KBTBD12: variants seen among roughly 807,000 people sequenced by gnomAD.
KBTBD12 encodes kelch repeat and BTB domain-containing protein 12.
A neutral mutation model predicts 58.7 loss-of-function variants in KBTBD12; 53 were observed. The observed-to-expected ratio is 0.90, with a 90% CI of 0.72 to 1.14. The LOEUF (loss-of-function observed/expected upper bound fraction) is 1.14. Ranked by LOEUF, KBTBD12 falls within the 50% of genes most tolerant of loss-of-function variation. The probability of loss-of-function intolerance (pLI) is 0.00; values close to 1 mark genes in which losing one functional copy is unlikely to be tolerated. For synonymous variants in KBTBD12, 236 were observed against 259.8 expected (o/e 0.91, Z 0.88); for missense variants, 704 against 751.3 (o/e 0.94, Z 0.74).
intron 3 of KBTBD12, among the ~76,000 whole-genome samples, chr3:127,929,462 C>T (rs1282457928): frequency 1.3e-5 from 2 of 152,092 alleles, no homozygotes; most frequent in African/African-American, 4.8e-5. Context: ...AATATTATTT[C>T]ACCTAACATT....
At chr3:127,948,222 C>G (rs1050006835) in intron 4 of KBTBD12, among the ~76,000 whole-genome samples, 1 of 152,194 alleles carries the variant, frequency 6.6e-6, no homozygotes, top group Admixed American at 6.5e-5. Flanking sequence ...GCGTTCCTTC[C>G]TGACCTCAAG....
chr3:127,931,366 C>T (rs1478808249), intron 4 of KBTBD12, among the ~76,000 whole-genome samples: 3 of 151,978 alleles, frequency 2.0e-5, no homozygotes, highest in Non-Finnish European at 4.4e-5. Context: ...ATGAGATTCA[C>T]TTATAATTAA....
intron 5 of KBTBD12, among the ~76,000 whole-genome samples, chr3:127,982,868 C>T (rs1395981750): frequency 6.6e-6 from 1 of 152,228 alleles, no homozygotes. Context: ...CCTTCCTAAG[C>T]CCCGCTCACA....
chr3:127,962,955 C>T (rs752791669), intron 4 of KBTBD12, among the ~76,000 whole-genome samples: 2 of 152,234 alleles, frequency 1.3e-5, no homozygotes, highest in Non-Finnish European at 2.9e-5. Context: ...GACTCAGTCT[C>T]ATGCATGATC....
At chr3:127,939,104 CCT>C (rs975665533) in intron 4 of KBTBD12, among the ~76,000 whole-genome samples, 6 of 152,104 alleles carry the variant, frequency 3.9e-5, no homozygotes, top group Non-Finnish European at 8.8e-5. Context: ...GTAGATATCC[CCT>C]CACTTTTTTC....
chr3:127,975,573 T>G (rs1343238420), intron 5 of KBTBD12, among the ~76,000 whole-genome samples: 1 of 152,222 alleles, frequency 6.6e-6, no homozygotes, highest in Non-Finnish European at 1.5e-5. Flanking sequence ...TGCACCAGCT[T>G]CTTCTTACCA....
chr3:127,977,381 T>A (rs893355973), intron 5 of KBTBD12, among the ~76,000 whole-genome samples: 1 of 152,242 alleles, frequency 6.6e-6, no homozygotes, highest in African/African-American at 2.4e-5. Context: ...GAATGATAGT[T>A]CTGTTTTAAG....
intron 4 of KBTBD12, among the ~76,000 whole-genome samples, chr3:127,957,700 G>A (rs1253907802): frequency 6.6e-6 from 1 of 152,146 alleles, no homozygotes; most frequent in African/African-American, 2.4e-5. Flanking sequence ...TGAGTAAGGA[G>A]CTGACCCACC....
At chr3:127,963,631 CACA>C in intron 5 of KBTBD12, 1 of 390,702 alleles carries the variant, frequency 2.6e-6, no homozygotes, top group South Asian at 4.3e-5. Flanking sequence ...CCACCCTGAA[CACA>C]CCTGGTCTCA....
intron 4 of KBTBD12, among the ~76,000 whole-genome samples, chr3:127,947,380 C>T (rs900976660): frequency 3.3e-5 from 5 of 152,172 alleles, no homozygotes; most frequent in African/African-American, 7.2e-5. Context: ...CAGTCTTCCC[C>T]GCCACTCCTG....
chr3:127,949,437 G>A (rs1381415093), intron 4 of KBTBD12, among the ~76,000 whole-genome samples: 4 of 152,134 alleles, frequency 2.6e-5, no homozygotes, highest in Non-Finnish European at 4.4e-5. Flanking sequence ...GAGAGCCATT[G>A]AAGGATTTCA....
At chr3:127,977,403 A>G (rs993677796) in intron 5 of KBTBD12, among the ~76,000 whole-genome samples, 1 of 152,246 alleles carries the variant, frequency 6.6e-6, no homozygotes, top group East Asian at 1.9e-4. Flanking sequence ...TCTTTGAGAA[A>G]GTGCCAAACT....
intron 3 of KBTBD12, among the ~76,000 whole-genome samples, chr3:127,929,214 A>G (rs1201321580): frequency 6.6e-6 from 1 of 152,222 alleles, no homozygotes; most frequent in East Asian, 1.9e-4. Context: ...CTCATAGAGG[A>G]AAGGCTTTGC....
chr3:127,984,553 C>A lies in KBTBD12; in HGVS notation c.*275C>A, dbSNP rs1000655158. On this transcript the variant is annotated 3_prime_UTR_variant, in exon 6 of 6. Coordinates refer to ENST00000405109, the MANE Select transcript of KBTBD12 (RefSeq NM_207335.4). ...CAGGAGAGCAGCAGAGGGAGGGTCT[C>A]ACTCTGCTGGGGACCCATGAACAGC... 8 of 321,372 alleles carry A rather than the reference C, an allele frequency of 2.5e-5. No homozygotes were observed. The highest frequency in any genetic ancestry group is 6.2e-5 in the East Asian group (1 of 16,048). The allele number at this position is 321,372 out of a possible 1,614,324, so 19.9% of individuals were successfully genotyped here.
chr3:127,927,751 C>A lies in KBTBD12; in HGVS notation c.1071-13C>A. On this transcript the variant is annotated splice_polypyrimidine_tract_variant and intron_variant, in intron 2 of 5. Transcript: ENST00000405109. ...TTACCTCTAATCCTGGATACTCTCT[C>A]TCTCTTTTGCAGGTATCATGATAGA... 1.4e-6 allele frequency: 2 copies of A among 1,467,980 alleles called. No homozygotes were observed. Among genetic ancestry groups the A allele is most frequent in the African/African-American group, 1.4e-5 (1 of 71,426 alleles). 90.9% of individuals were successfully genotyped at this position (1,467,980 alleles called of 1,614,324 possible).
At position 127,924,018 on chromosome 3, in the gene KBTBD12, T is replaced by C. The variant is rs1197741071; in HGVS notation, c.957T>C (p.Gly319=). The change falls in exon 2 of 6, where the codon GGT becomes GGC. Residue 319 remains glycine, a synonymous_variant. Transcript: ENST00000405109. ...TCTCATCTCCCAAGTACGGAGAGGG[T>C]TTAGGAACTGTGTGTACTGGTGTTG... The part of the protein sequence containing the change: ...YFISSPKYGE[G]LGTVCTGVVM... 6.2e-6 allele frequency: 10 copies of C among 1,613,466 alleles called. No individual in the cohort carries two copies. Among genetic ancestry groups the C allele is most frequent in the African/African-American group, 1.3e-5 (1 of 74,836 alleles).
chr3:127,975,388 G>A (rs80223651), intron 5 of KBTBD12, among the ~76,000 whole-genome samples: 8,571 of 152,228 alleles, frequency 0.056, 311 homozygotes, highest in South Asian at 0.18. Flanking sequence ...GCTGACATCT[G>A]GTATGTCAGC....
At chr3:127,960,416 T>C (rs1178349413) in intron 4 of KBTBD12, among the ~76,000 whole-genome samples, 1 of 152,226 alleles carries the variant, frequency 6.6e-6, no homozygotes, top group Non-Finnish European at 1.5e-5. Context: ...GGATATGACC[T>C]GCAAATATAA....
At chr3:127,978,197 C>T (rs1414135025) in intron 5 of KBTBD12, among the ~76,000 whole-genome samples, 1 of 152,048 alleles carries the variant, frequency 6.6e-6, no homozygotes, top group Non-Finnish European at 1.5e-5. Context: ...TGTTCTTTAC[C>T]TTTTGCTGAG....
Sources: allele counts gnomAD v4.1 joint callset (sites outside exome capture counted in the v4.1 genomes callset), GRCh38; gene constraint gnomAD v4.1.1; transcripts MANE v1.5; gene names NCBI Gene and HGNC (gene_info 2026-07-23, HGNC 2026-07-21).